Variants in SPTLC2 observed in about 807,000 individuals in gnomAD.
SPTLC2 encodes serine palmitoyltransferase 2.
In SPTLC2, 21 loss-of-function variants were observed where a neutral mutation model predicts 62.0. The ratio of observed to expected loss-of-function variants is 0.34; its 90% CI spans 0.24 to 0.49. The LOEUF (loss-of-function observed/expected upper bound fraction) is 0.49, where lower values mean the gene tolerates loss of function less well. Among genes scored for constraint, SPTLC2 ranks in the 20% least tolerant of loss-of-function variants. The pLI is 0.99. For missense variants in SPTLC2, 511 were observed against 713.0 expected (o/e 0.72, Z 3.23); for synonymous variants, 261 against 261.8 (o/e 1.00, Z 0.03).
At chr14:77,517,930 C>G in intron 11 of SPTLC2, 108 bp downstream of exon 11, 1 of 1,564,130 alleles carries the variant, frequency 6.4e-7, no homozygotes, top group Non-Finnish European at 8.8e-7. Context: ...CCCCCTCTGT[C>G]TTAGGTGCTC....
intron 4 of SPTLC2, among the ~76,000 whole-genome samples, chr14:77,576,538 G>A (rs1234750439): frequency 2.0e-5 from 3 of 152,144 alleles, no homozygotes; most frequent in African/African-American, 7.2e-5. Context: ...AGGATTTTTC[G>A]AGGGACATTC....
intron 11 of SPTLC2, among the ~76,000 whole-genome samples, chr14:77,515,021 T>C (rs557338032): frequency 5.3e-5 from 8 of 152,360 alleles, no homozygotes; most frequent in African/African-American, 1.7e-4. Context: ...GAAGAGACTA[T>C]TCTTTTCTCA....
chr14:77,542,903 T>C (rs1227425022), intron 9 of SPTLC2, among the ~76,000 whole-genome samples: 2 of 152,094 alleles, frequency 1.3e-5, no homozygotes, highest in African/African-American at 4.8e-5. Context: ...GCTGATTCAA[T>C]ATAATCAGAA....
chr14:77,565,701 T>C (rs2079641302), intron 5 of SPTLC2, among the ~76,000 whole-genome samples: 1 of 152,172 alleles, frequency 6.6e-6, no homozygotes, highest in Non-Finnish European at 1.5e-5. Context: ...ACTGAGGAGC[T>C]ACAACAGCTA....
intron 2 of SPTLC2, among the ~76,000 whole-genome samples, chr14:77,581,249 A>G (rs766939696): frequency 2.0e-5 from 3 of 152,204 alleles, no homozygotes; most frequent in Admixed American, 6.6e-5. Context: ...TTTCATTGCT[A>G]AAGAAGGCTG....
rs181627016 is a variant in SPTLC2 at position 77,614,843 on chromosome 14, C to T, written c.132+1605G>A. On this transcript the variant is annotated intron_variant, in intron 1 of 11. Transcript: ENST00000216484. ...AAATTTAGCCGGGCGTGATGACGGG[C>T]GCCTGTAATCCCAGCTACTCGGGAG... Among the ~76,000 whole-genome samples the T allele has an allele frequency of 9.8e-5, 14 of 143,314 alleles. 1 individual carries two copies. Among genetic ancestry groups the T allele is most frequent in the Admixed American group, 4.9e-4 (7 of 14,290 alleles). The allele number at this position is 143,314 out of a possible 152,430, so 94.0% of individuals were successfully genotyped here. A position where few individuals can be genotyped will look rare whatever the true frequency, so the allele number is the denominator to read the frequency against.
At chr14:77,580,541 ATT>A (rs1566786539) in intron 2 of SPTLC2, among the ~76,000 whole-genome samples, 1 of 99,772 alleles carries the variant, frequency 1.0e-5, no homozygotes, top group African/African-American at 3.6e-5. Flanking sequence ...TTAGAAAGGA[ATT>A]TTTTAAAAAA....
chr14:77,589,900 C>T (rs934802828), intron 2 of SPTLC2, among the ~76,000 whole-genome samples: 1 of 151,546 alleles, frequency 6.6e-6, no homozygotes, highest in African/African-American at 2.4e-5. Context: ...ATCACTTGAA[C>T]CCAGAAGGCA....
chr14:77,530,391 C>T (rs980178196), intron 9 of SPTLC2, among the ~76,000 whole-genome samples: 4 of 152,068 alleles, frequency 2.6e-5, no homozygotes, highest in African/African-American at 7.3e-5. Context: ...TGCAGCGGCA[C>T]GATCTCAGCT....
chr14:77,595,583 A>G (rs1295549401), intron 2 of SPTLC2, among the ~76,000 whole-genome samples: 1 of 152,078 alleles, frequency 6.6e-6, no homozygotes, highest in Non-Finnish European at 1.5e-5. Context: ...TGAGAGAGAA[A>G]GGATGCCTAA....
chr14:77,542,323 G>A (rs147577811), intron 9 of SPTLC2, among the ~76,000 whole-genome samples: 194 of 152,250 alleles, frequency 1.3e-3, no homozygotes, highest in African/African-American at 4.4e-3. Context: ...TAACAGGACA[G>A]ATTGATTTTA....
chr14:77,514,784 A>G (rs1380443748), intron 11 of SPTLC2, among the ~76,000 whole-genome samples: 1 of 152,106 alleles, frequency 6.6e-6, no homozygotes, highest in Non-Finnish European at 1.5e-5. Context: ...AAGCAACCCA[A>G]TACTCGTTGT....
chr14:77,532,178 A>G (rs555303729), intron 9 of SPTLC2, among the ~76,000 whole-genome samples: 1 of 152,330 alleles, frequency 6.6e-6, no homozygotes, highest in Non-Finnish European at 1.5e-5. Flanking sequence ...GGTGCTGCAT[A>G]TTCCGGGAAT....
At chr14:77,583,811 G>C (rs1006772928) in intron 2 of SPTLC2, among the ~76,000 whole-genome samples, 3 of 152,152 alleles carry the variant, frequency 2.0e-5, no homozygotes, top group Non-Finnish European at 4.4e-5. Context: ...TACTATAAAA[G>C]AGTGTTTGTC....
chr14:77,549,159 C>G (rs904160565), intron 9 of SPTLC2, among the ~76,000 whole-genome samples: 8 of 151,400 alleles, frequency 5.3e-5, no homozygotes, highest in African/African-American at 1.9e-4. Context: ...TGAGTGAGTT[C>G]TCGCTCTGAG....
intron 9 of SPTLC2, among the ~76,000 whole-genome samples, chr14:77,539,787 G>GC (rs2079490555): frequency 1.3e-5 from 2 of 152,070 alleles, no homozygotes; most frequent in African/African-American, 4.8e-5. Context: ...ACTGTGCCCA[G>GC]CCGCTTAAGA....
At chr14:77,527,095 CTT>C (rs11342711) in intron 9 of SPTLC2, among the ~76,000 whole-genome samples, 157 of 136,874 alleles carry the variant, frequency 1.1e-3, no homozygotes, top group Non-Finnish European at 1.0e-3. Flanking sequence ...CGCCCGGCCT[CTT>C]TTTTTTTTTT....
intron 1 of SPTLC2, among the ~76,000 whole-genome samples, chr14:77,600,351 G>C (rs1463038864): frequency 6.6e-6 from 1 of 152,176 alleles, no homozygotes; most frequent in Non-Finnish European, 1.5e-5. Flanking sequence ...TCAAAACAGA[G>C]TGACTGATGA....
intron 4 of SPTLC2, among the ~76,000 whole-genome samples, chr14:77,571,533 T>G (rs2079683014): frequency 6.7e-6 from 1 of 148,408 alleles, no homozygotes; most frequent in African/African-American, 2.5e-5. Flanking sequence ...AAAAGGTTCT[T>G]CCCTCACTGT....
Sources: gnomAD v4.1 joint callset for allele counts (sites outside exome capture counted in the v4.1 genomes callset) on GRCh38, gnomAD v4.1.1 for gene constraint, MANE v1.5 for transcripts, NCBI Gene and HGNC (gene_info 2026-07-23, HGNC 2026-07-21) for gene names.